Variants in ARID1B observed in about 807,000 individuals in gnomAD.
The protein encoded by ARID1B is AT-rich interaction domain 1B.
Under a neutral mutation model 212.3 loss-of-function variants are expected in ARID1B, and 30 were observed. That is an observed-to-expected ratio of 0.14 (90% CI 0.11 to 0.19). The LOEUF (loss-of-function observed/expected upper bound fraction) is 0.19, where lower values mean the gene tolerates loss of function less well. Ranked by LOEUF, ARID1B falls within the 10% of genes least tolerant of loss-of-function variation. The pLI is 1.00. For missense variants in ARID1B, 2,891 were observed against 3,204.0 expected (o/e 0.90, Z 2.36); for synonymous variants, 1,402 against 1,301.7 (o/e 1.08, Z -1.66).
At chr6:157,023,714 C>G (rs992284271) in intron 4 of ARID1B, 1 of 152,178 alleles carries the variant, frequency 6.6e-6, no homozygotes, top group Non-Finnish European at 1.5e-5. Context: ...TTGGGAGTCA[C>G]TTATGACTTC....
rs1419287692 is a variant in ARID1B at position 157,039,059 on chromosome 6, G to T, written c.2248-45603G>T. 3.3e-5 allele frequency among the ~76,000 whole-genome samples: 5 copies of T among 151,910 alleles called. 1 individual carries two copies. The highest frequency in any genetic ancestry group is 4.8e-5 in the African/African-American group (2 of 41,338). On this transcript the variant is annotated intron_variant, in intron 4 of 19. Coordinates refer to ENST00000636930, the MANE Select transcript of ARID1B (RefSeq NM_001374828.1). ...TGCCTGGCTAATTTTTTATAAAAAT[G>T]CAGGTCTAACTATGTTGCCCAGGCT...
chr6:157,145,343 T>G (rs1397291676), intron 7 of ARID1B, among the ~76,000 whole-genome samples: 1 of 152,186 alleles, frequency 6.6e-6, no homozygotes, highest in Non-Finnish European at 1.5e-5. Flanking sequence ...TGTGGCTGCT[T>G]TGGGGGCTAC....
chr6:157,110,342 T>C, intron 5 of ARID1B, 130 bp from the exon 6 acceptor site: 1 of 715,556 alleles, frequency 1.4e-6, no homozygotes, highest in Non-Finnish European at 2.5e-6. Flanking sequence ...CTCTGAGCTA[T>C]GTCTTTTTTT....
chr6:156,987,698 G>T (rs929654669), intron 4 of ARID1B, among the ~76,000 whole-genome samples: 6 of 152,050 alleles, frequency 3.9e-5, no homozygotes, highest in Admixed American at 1.3e-4. Flanking sequence ...CTTAGCTTGT[G>T]GAATCTTTTG....
chr6:156,884,682 A>T (rs1787366020), intron 2 of ARID1B, among the ~76,000 whole-genome samples: 1 of 152,180 alleles, frequency 6.6e-6, no homozygotes, highest in Non-Finnish European at 1.5e-5. Flanking sequence ...TTAGGCTACC[A>T]CTAGTTTGGG....
chr6:156,968,119 CA>C (rs1434738045), intron 4 of ARID1B, among the ~76,000 whole-genome samples: 1 of 152,196 alleles, frequency 6.6e-6, no homozygotes, highest in Non-Finnish European at 1.5e-5. Context: ...GAGCTTTAAC[CA>C]AGCATCTGTA....
At chr6:156,964,667 C>CT (rs941820933) in intron 4 of ARID1B, among the ~76,000 whole-genome samples, 10 of 152,138 alleles carry the variant, frequency 6.6e-5, no homozygotes, top group African/African-American at 1.4e-4. Flanking sequence ...TTAAAACCAT[C>CT]TTTTTTTGAC....
intron 2 of ARID1B, among the ~76,000 whole-genome samples, chr6:156,892,040 TTTC>T (rs1215745524): frequency 1.2e-4 from 15 of 121,104 alleles, no homozygotes; most frequent in Admixed American, 1.1e-3. Context: ...CCCAGCGAAT[TTTC>T]TTTTTTTTTT....
rs1004236528 is a variant in ARID1B at position 156,778,345 on chromosome 6, G to T, written c.665G>T (p.Ser222Ile). Reference sequence around the variant, plus strand: ...CAACATCCCATTTCCAACAACAACAGCTTGGGCGGCGCGGGCGGCGGCGCG... The same window carrying T: ...CAACATCCCATTTCCAACAACAACATCTTGGGCGGCGCGGGCGGCGGCGCG... ...QQQHPISNNN[S>I]LGGAGGGAPQ... Residue 222 changes from serine to isoleucine, a missense_variant, in exon 1 of 20, where the codon AGC becomes ATC. Transcript: ENST00000636930. 15 of 1,541,536 alleles carry T rather than the reference G, an allele frequency of 9.7e-6. No homozygotes were observed. The African/African-American group carries it at 1.8e-4, about 18-fold the overall frequency.
At chr6:156,897,700 G>A (rs564460530) in intron 2 of ARID1B, among the ~76,000 whole-genome samples, 1 of 151,982 alleles carries the variant, frequency 6.6e-6, no homozygotes, top group Non-Finnish European at 1.5e-5. Flanking sequence ...CTGTGTTCGA[G>A]GCAAAGCATG....
intron 1 of ARID1B, among the ~76,000 whole-genome samples, chr6:156,794,519 C>T (rs1273725782): frequency 1.3e-5 from 2 of 149,730 alleles, no homozygotes; most frequent in East Asian, 2.0e-4. Flanking sequence ...GCCTGGGAGG[C>T]CTGGGAGTCT....
chr6:157,180,899 T>C (rs916364349), intron 11 of ARID1B, 70 bp from the exon 12 acceptor site: 2 of 1,353,068 alleles, frequency 1.5e-6, no homozygotes, highest in Non-Finnish European at 2.1e-6. Flanking sequence ...CTCATTACTT[T>C]TTTCTCACCT....
chr6:157,052,677 C>T (rs1431700282), intron 4 of ARID1B, among the ~76,000 whole-genome samples: 2 of 152,202 alleles, frequency 1.3e-5, no homozygotes, highest in African/African-American at 4.8e-5. Context: ...ATTGGACAAA[C>T]ATAGCAACCT....
intron 1 of ARID1B, among the ~76,000 whole-genome samples, chr6:156,819,376 G>A (rs1279953161): frequency 2.0e-5 from 3 of 152,102 alleles, no homozygotes; most frequent in African/African-American, 4.8e-5. Context: ...TACTATTTTG[G>A]TATTCCTTTT....
intron 11 of ARID1B, 54 bp from the exon 12 acceptor site, chr6:157,180,915 C>G: frequency 1.3e-6 from 2 of 1,498,532 alleles, no homozygotes; most frequent in African/African-American, 2.8e-5. Context: ...CACCTTCTTC[C>G]CTCTCCCTCT....
At chr6:156,990,439 A>C (rs1223428462) in intron 4 of ARID1B, among the ~76,000 whole-genome samples, 2 of 152,052 alleles carry the variant, frequency 1.3e-5, no homozygotes, top group Non-Finnish European at 2.9e-5. Flanking sequence ...TCAGGAGATC[A>C]AGACCCTCCT....
intron 1 of ARID1B, among the ~76,000 whole-genome samples, chr6:156,826,369 C>T (rs1308854588): frequency 2.0e-5 from 3 of 152,218 alleles, no homozygotes; most frequent in East Asian, 1.9e-4. Context: ...GGTGCTTTGT[C>T]CCTTCAGGAC....
chr6:156,779,592 GC>G, intron 1 of ARID1B, 121 bp downstream of exon 1: 1 of 1,067,160 alleles, frequency 9.4e-7, no homozygotes, highest in Non-Finnish European at 1.2e-6. Context: ...GGGGCGCGGC[GC>G]CCAAAGCCAT....
chr6:157,010,291 T>G (rs1365812632), intron 4 of ARID1B, among the ~76,000 whole-genome samples: 46 of 147,402 alleles, frequency 3.1e-4, no homozygotes, highest in African/African-American at 1.0e-3. Flanking sequence ...TTTTTTTTTT[T>G]TTTTTTTTTT....
Sources: allele counts gnomAD v4.1 joint callset (sites outside exome capture counted in the v4.1 genomes callset), GRCh38; gene constraint gnomAD v4.1.1; transcripts MANE v1.5; gene names NCBI Gene and HGNC (gene_info 2026-07-23, HGNC 2026-07-21).